The following ARHGEF28 variants were observed in gnomAD, a reference collection of about 807,000 sequenced individuals.
ARHGEF28 encodes the protein Rho guanine nucleotide exchange factor 28.
ARHGEF28 carries 152 observed loss-of-function variants against 206.6 expected under a neutral mutation model. The observed-to-expected ratio is 0.74, with a 90% CI of 0.64 to 0.84. The LOEUF (loss-of-function observed/expected upper bound fraction) is 0.84, where lower values mean the gene tolerates loss of function less well. ARHGEF28 is among the 40% of genes least tolerant of loss of function. The pLI, the probability that ARHGEF28 is intolerant of heterozygous loss-of-function variation, is 0.00. For synonymous variants in ARHGEF28, 763 were observed against 776.4 expected (o/e 0.98, Z 0.29); for missense variants, 2,028 against 2,073.2 (o/e 0.98, Z 0.42).
At chr5:73,827,296 A>G (rs1052573451) in intron 9 of ARHGEF28, among the ~76,000 whole-genome samples, 1 of 152,180 alleles carries the variant, frequency 6.6e-6, no homozygotes, top group African/African-American at 2.4e-5. Flanking sequence ...TGTGCATGCC[A>G]GTGGCCTTGG....
intron 6 of ARHGEF28, among the ~76,000 whole-genome samples, chr5:73,778,418 T>A (rs1327913954): frequency 6.6e-6 from 1 of 152,240 alleles, no homozygotes; most frequent in Admixed American, 6.5e-5. Context: ...GATACCTCAA[T>A]AATTTATTGG....
At chr5:73,706,510 A>G (rs983097271) in intron 2 of ARHGEF28, among the ~76,000 whole-genome samples, 5 of 152,138 alleles carry the variant, frequency 3.3e-5, no homozygotes, top group Admixed American at 2.6e-4. Context: ...TCACTTGAAT[A>G]TGAGCTCTGT....
intron 16 of ARHGEF28, among the ~76,000 whole-genome samples, chr5:73,863,583 T>C (rs762665571): frequency 9.9e-5 from 15 of 151,824 alleles, no homozygotes; most frequent in Non-Finnish European, 1.3e-4. Flanking sequence ...AAGTCTCACA[T>C]CCTATTCTCC....
chr5:73,909,119 A>G (rs113592004), intron 33 of ARHGEF28: 7 of 278,680 alleles, frequency 2.5e-5, no homozygotes, highest in Admixed American at 9.4e-5. Context: ...TCGCTTAACT[A>G]TCACCCAACC....
chr5:73,894,609 G>A (rs777336234), intron 29 of ARHGEF28, 34 bp downstream of exon 29: 67 of 1,601,846 alleles, frequency 4.2e-5, no homozygotes, highest in Non-Finnish European at 5.1e-5. Context: ...GGGTCGACAC[G>A]TTCAGAAAAT....
intron 9 of ARHGEF28, among the ~76,000 whole-genome samples, chr5:73,799,524 C>A (rs1276153745): frequency 2.5e-4 from 38 of 152,272 alleles, no homozygotes; most frequent in Non-Finnish European, 3.8e-4. Context: ...CATGATGCTC[C>A]TGTTCTTTCA....
intron 14 of ARHGEF28, among the ~76,000 whole-genome samples, chr5:73,852,944 C>G (rs1489410493): frequency 2.0e-5 from 3 of 152,204 alleles, no homozygotes; most frequent in Admixed American, 6.5e-5. Context: ...GCCAAATACC[C>G]TCAAGGGGAG....
At chr5:73,927,657 C>T (rs150018982) in intron 35 of ARHGEF28, among the ~76,000 whole-genome samples, 1 of 152,170 alleles carries the variant, frequency 6.6e-6, no homozygotes, top group East Asian at 1.9e-4. Context: ...CAACATCTGG[C>T]TTTATGTTCT....
intron 9 of ARHGEF28, chr5:73,813,474 C>CGA: frequency 6.8e-7 from 1 of 1,472,600 alleles, no homozygotes; most frequent in South Asian, 1.4e-5. Flanking sequence ...CTATTTCATC[C>CGA]AATCTCATTC....
intron 9 of ARHGEF28, among the ~76,000 whole-genome samples, chr5:73,800,389 C>T (rs912767388): frequency 2.6e-5 from 4 of 152,106 alleles, no homozygotes; most frequent in Non-Finnish European, 4.4e-5. Flanking sequence ...TTATTTCCCT[C>T]CAAACCCCCT....
Position 73,763,937 on chromosome 5 carries a change from G to A in ARHGEF28, c.476-9918G>A, listed in dbSNP as rs543186768. On this transcript the variant is annotated intron_variant, in intron 4 of 35. Transcript: ENST00000513042. ...TTATGCCTTTAAATTGTGACCACAGGAAAATTGTTTTCAGACATACCACAT... is the reference window on the plus strand; with the variant it reads ...TTATGCCTTTAAATTGTGACCACAGAAAAATTGTTTTCAGACATACCACAT... Among the ~76,000 whole-genome samples the A allele has an allele frequency of 6.0e-4, 92 of 152,272 alleles. 1 individual carries two copies. The highest frequency in any genetic ancestry group is 6.8e-3 in the Middle Eastern group (2 of 294).
chr5:73,885,974 G>A lies in ARHGEF28; in HGVS notation c.3180G>A (p.Lys1060=), dbSNP rs770322247. The A allele has an allele frequency of 3.7e-6, 6 of 1,613,686 alleles. No homozygotes were observed. The East Asian group carries it at 8.9e-5, about 24-fold the overall frequency. ...KNQKWLEILN[K]IENKTYTKLK... ...AAAAATGGCTTGAGATCCTAAATAA[G>A]ATTGAAAACAAAACATACACGAAGC... The change falls in exon 25 of 36, where the codon AAG becomes AAA. Residue 1060 remains lysine, a synonymous_variant. Transcript: ENST00000513042.
At chr5:73,634,455 C>T (rs745693228) in intron 1 of ARHGEF28, among the ~76,000 whole-genome samples, 2 of 152,236 alleles carry the variant, frequency 1.3e-5, no homozygotes, top group Non-Finnish European at 2.9e-5. Flanking sequence ...CAAAATGCCA[C>T]TGCTTTTTCT....
chr5:73,864,010 C>G (rs1759554160), intron 16 of ARHGEF28, among the ~76,000 whole-genome samples: 1 of 152,092 alleles, frequency 6.6e-6, no homozygotes, highest in Admixed American at 6.5e-5. Context: ...ATCTTCCACT[C>G]CCACAGAAGG....
At chr5:73,724,517 AC>A (rs1750161306) in intron 2 of ARHGEF28, among the ~76,000 whole-genome samples, 1 of 152,186 alleles carries the variant, frequency 6.6e-6, no homozygotes, top group Admixed American at 6.5e-5. Context: ...TGGAACATTA[AC>A]ATCACCCCAA....
At chr5:73,712,203 G>C (rs1749293401) in intron 2 of ARHGEF28, among the ~76,000 whole-genome samples, 1 of 152,020 alleles carries the variant, frequency 6.6e-6, no homozygotes, top group African/African-American at 2.4e-5. Context: ...TTATTGATAA[G>C]TTTTATATTT....
At chr5:73,710,490 T>C (rs1248719087) in intron 2 of ARHGEF28, among the ~76,000 whole-genome samples, 1 of 152,228 alleles carries the variant, frequency 6.6e-6, no homozygotes, top group African/African-American at 2.4e-5. Context: ...AGTCTCTGGC[T>C]TATATTTTCA....
At chr5:73,846,228 T>C (rs761237138) in intron 11 of ARHGEF28, 40 bp from the exon 12 acceptor site, 11 of 1,587,494 alleles carry the variant, frequency 6.9e-6, no homozygotes, top group Non-Finnish European at 9.5e-6. Context: ...CTCTGTGTCC[T>C]TCCTTGCTTC....
intron 2 of ARHGEF28, among the ~76,000 whole-genome samples, chr5:73,733,633 TA>T (rs1440908913): frequency 1.3e-5 from 2 of 151,996 alleles, no homozygotes; most frequent in African/African-American, 4.8e-5. Flanking sequence ...CCCCGAAAAC[TA>T]TTGAAAGAAA....
Sources: allele counts gnomAD v4.1 joint callset (sites outside exome capture counted in the v4.1 genomes callset), GRCh38; gene constraint gnomAD v4.1.1; transcripts MANE v1.5; gene names NCBI Gene and HGNC (gene_info 2026-07-23, HGNC 2026-07-21).